The following ADGRD1 variants were observed in gnomAD, a reference collection of about 807,000 sequenced individuals.
ADGRD1 encodes the protein G-protein coupled receptor 133.
A neutral mutation model predicts 113.4 loss-of-function variants in ADGRD1; 77 were observed. The ratio of observed to expected loss-of-function variants is 0.68; its 90% CI spans 0.57 to 0.82. ADGRD1 has a LOEUF of 0.82. Ranked by LOEUF, ADGRD1 falls within the 40% of genes least tolerant of loss-of-function variation. The pLI is 0.00. For synonymous variants in ADGRD1, 474 were observed against 475.0 expected (o/e 1.00, Z 0.03); for missense variants, 1,036 against 1,139.1 (o/e 0.91, Z 1.30).
intron 15 of ADGRD1, among the ~76,000 whole-genome samples, chr12:131,098,172 A>ACCGCCTTCTCCCACTGTG (rs1391426237): frequency 1.6e-4 from 19 of 120,176 alleles, no homozygotes; most frequent in East Asian, 8.4e-4. Flanking sequence ...CTTCTCCCGC[A>ACCGCCTTCTCCCACTGTG]GTGGCTGCTG....
chr12:131,138,493 G>C (rs1020745219), intron 24 of ADGRD1, among the ~76,000 whole-genome samples: 1 of 152,200 alleles, frequency 6.6e-6, no homozygotes, highest in African/African-American at 2.4e-5. Flanking sequence ...GAAGGACTTA[G>C]AGATCAACTG....
At chr12:131,062,725 T>C (rs1884434490) in intron 13 of ADGRD1, among the ~76,000 whole-genome samples, 1 of 152,228 alleles carries the variant, frequency 6.6e-6, no homozygotes, top group South Asian at 2.1e-4. Flanking sequence ...ATTAAACCTC[T>C]TTCCTTTATA....
At chr12:130,973,740 G>C (rs1397927233) in intron 4 of ADGRD1, among the ~76,000 whole-genome samples, 1 of 152,152 alleles carries the variant, frequency 6.6e-6, no homozygotes, top group Non-Finnish European at 1.5e-5. Flanking sequence ...TTTGTGTCAT[G>C]GTTAAGCAGA....
intron 20 of ADGRD1, among the ~76,000 whole-genome samples, chr12:131,125,982 G>A (rs889277830): frequency 5.3e-5 from 8 of 152,184 alleles, no homozygotes; most frequent in Admixed American, 2.6e-4. Context: ...CTGAAAAGGT[G>A]AAAAATTATT....
At chr12:131,034,611 G>A (rs1448727447) in intron 13 of ADGRD1, among the ~76,000 whole-genome samples, 1 of 152,346 alleles carries the variant, frequency 6.6e-6, no homozygotes, top group Non-Finnish European at 1.5e-5. Flanking sequence ...GAGAGAGGCT[G>A]TCATGTTTAT....
chr12:131,033,427 CG>C (rs1566048727), intron 13 of ADGRD1, among the ~76,000 whole-genome samples: 4 of 152,242 alleles, frequency 2.6e-5, no homozygotes, highest in African/African-American at 9.6e-5. Flanking sequence ...GCAGGACAGG[CG>C]TCCACATGCG....
intron 15 of ADGRD1, among the ~76,000 whole-genome samples, chr12:131,089,695 C>A (rs1402467823): frequency 6.6e-6 from 1 of 152,226 alleles, no homozygotes; most frequent in African/African-American, 2.4e-5. Flanking sequence ...GTGGATGCTC[C>A]CTGCCTCATT....
At chr12:131,018,325 C>CA (rs1878886188) in intron 13 of ADGRD1, among the ~76,000 whole-genome samples, 1 of 152,208 alleles carries the variant, frequency 6.6e-6, no homozygotes, top group Non-Finnish European at 1.5e-5. Context: ...TGACCCTTCA[C>CA]GCCGGGATGA....
chr12:130,959,084 C>T (rs962981052), intron 2 of ADGRD1, among the ~76,000 whole-genome samples: 1 of 152,196 alleles, frequency 6.6e-6, no homozygotes, highest in African/African-American at 2.4e-5. Context: ...CATAGGTTCG[C>T]TCAGGTGCTG....
At chr12:131,089,035 C>G (rs1172785734) in intron 15 of ADGRD1, among the ~76,000 whole-genome samples, 1 of 152,188 alleles carries the variant, frequency 6.6e-6, no homozygotes, top group African/African-American at 2.4e-5. Context: ...TGAGCAGCCC[C>G]AGGCACAGGC....
At chr12:131,118,618 G>A (rs1340775552) in intron 19 of ADGRD1, among the ~76,000 whole-genome samples, 167 bp downstream of exon 19, 1 of 152,234 alleles carries the variant, frequency 6.6e-6, no homozygotes, top group Non-Finnish European at 1.5e-5. Context: ...GGGAGAGGGA[G>A]AAACAACCCA....
At chr12:131,108,085 C>A (rs1244347280) in intron 17 of ADGRD1, among the ~76,000 whole-genome samples, 1 of 152,198 alleles carries the variant, frequency 6.6e-6, no homozygotes, top group East Asian at 1.9e-4. Flanking sequence ...CCTGGGGCCT[C>A]CAGGCCCCAG....
intron 13 of ADGRD1, among the ~76,000 whole-genome samples, chr12:131,028,738 G>A (rs533390394): frequency 5.3e-5 from 8 of 152,292 alleles, no homozygotes; most frequent in African/African-American, 4.8e-5. Flanking sequence ...CGTCAGTCAC[G>A]GGAGGGGCGA....
intron 15 of ADGRD1, among the ~76,000 whole-genome samples, chr12:131,090,968 T>C (rs548531011): frequency 6.6e-6 from 1 of 152,310 alleles, no homozygotes; most frequent in South Asian, 2.1e-4. Flanking sequence ...CATGGCGTCA[T>C]CTCTGGGTGC....
At chr12:130,972,568 G>A (rs73471195) in intron 4 of ADGRD1, among the ~76,000 whole-genome samples, 2,504 of 152,158 alleles carry the variant, frequency 0.016, 56 homozygotes, top group African/African-American at 0.056. Flanking sequence ...AGTTTATGCT[G>A]TTCCTGAGTT....
chr12:130,986,378 A>G (rs535425637), intron 5 of ADGRD1, among the ~76,000 whole-genome samples: 3 of 152,208 alleles, frequency 2.0e-5, no homozygotes, highest in African/African-American at 7.2e-5. Context: ...TATTGTTATA[A>G]TATATGTATT....
At chr12:130,988,777 T>C (rs977663319) in intron 6 of ADGRD1, 2 of 10,180 alleles carry the variant, frequency 2.0e-4, no homozygotes, top group African/African-American at 2.5e-4. Flanking sequence ...GGGAGCTTCT[T>C]TCTCTTATCA....
At chr12:131,121,187 C>T (rs1043908336) in intron 20 of ADGRD1, among the ~76,000 whole-genome samples, 3 of 152,202 alleles carry the variant, frequency 2.0e-5, no homozygotes, top group African/African-American at 4.8e-5. Context: ...GCCCTGAGAA[C>T]AGCACAGGCG....
At chr12:130,987,669 T>C (rs12316553) in intron 6 of ADGRD1, 16,066 of 375,472 alleles carry the variant, frequency 0.043, 1,026 homozygotes, top group African/African-American at 0.19. Context: ...GATCAACAAA[T>C]GTTAGCCGTG....
Sources: gnomAD v4.1 joint callset for allele counts (sites outside exome capture counted in the v4.1 genomes callset) on GRCh38, gnomAD v4.1.1 for gene constraint, MANE v1.5 for transcripts, NCBI Gene and HGNC (gene_info 2026-07-23, HGNC 2026-07-21) for gene names.